The following DCHS2 variants were observed in gnomAD, a reference collection of about 807,000 sequenced individuals.
DCHS2 encodes the protein dachsous cadherin-related 2, also known as protocadherin-23.
A neutral mutation model predicts 182.4 loss-of-function variants in DCHS2; 142 were observed. The observed-to-expected ratio is 0.78, with a 90% CI of 0.68 to 0.89. DCHS2 has a LOEUF of 0.89. Ranked by LOEUF, DCHS2 falls within the 40% of genes least tolerant of loss-of-function variation. The probability of loss-of-function intolerance (pLI) is 0.00; values close to 1 mark genes in which losing one functional copy is unlikely to be tolerated. For synonymous variants in DCHS2, 1,740 were observed against 1,663.3 expected (o/e 1.05, Z -1.12); for missense variants, 4,319 against 4,198.6 (o/e 1.03, Z -0.79).
At chr4:154,358,457 A>T (rs997834487) in intron 3 of DCHS2, among the ~76,000 whole-genome samples, 4 of 152,210 alleles carry the variant, frequency 2.6e-5, no homozygotes, top group Non-Finnish European at 5.9e-5. Flanking sequence ...TTCATGAGAC[A>T]GTGACTCTGT....
At chr4:154,360,671 A>G (rs1039256232) in intron 3 of DCHS2, among the ~76,000 whole-genome samples, 3 of 152,170 alleles carry the variant, frequency 2.0e-5, no homozygotes, top group Admixed American at 1.3e-4. Context: ...TGAGCATAAA[A>G]CTAACATTGG....
chr4:154,480,906 A>G (rs1973339), intron 1 of DCHS2, among the ~76,000 whole-genome samples: 139,520 of 152,240 alleles, frequency 0.92, 65,189 homozygotes, highest in East Asian at 1. Flanking sequence ...GAGATTACAG[A>G]CATGAGCCAC....
intron 12 of DCHS2, among the ~76,000 whole-genome samples, chr4:154,299,918 C>T (rs917452068): frequency 1.3e-5 from 2 of 152,030 alleles, no homozygotes; most frequent in African/African-American, 4.8e-5. Context: ...ATAGATAGTG[C>T]TAGCCAAGGG....
At chr4:154,467,842 T>A (rs1735301402) in intron 1 of DCHS2, among the ~76,000 whole-genome samples, 1 of 152,210 alleles carries the variant, frequency 6.6e-6, no homozygotes, top group Admixed American at 6.5e-5. Context: ...TATAAATGTT[T>A]GCAGAATGAT....
chr4:154,429,780 G>A (rs1733482983), intron 1 of DCHS2, among the ~76,000 whole-genome samples: 1 of 151,426 alleles, frequency 6.6e-6, no homozygotes, highest in Non-Finnish European at 1.5e-5. Flanking sequence ...TGTCTCCTGT[G>A]TATAACAAGC....
chr4:154,446,137 T>C (rs1388521119), intron 1 of DCHS2, among the ~76,000 whole-genome samples: 9 of 152,228 alleles, frequency 5.9e-5, no homozygotes, highest in Admixed American at 5.9e-4. Context: ...CGTCAGCTCT[T>C]AATAAATCAA....
chr4:154,280,044 AT>A (rs200265554), intron 13 of DCHS2, among the ~76,000 whole-genome samples: 1,799 of 152,190 alleles, frequency 0.012, 22 homozygotes, highest in African/African-American at 0.039. Flanking sequence ...AAGAGGAGAC[AT>A]TAAAACCAAT....
chr4:154,244,854 A>G (rs2111116451), intron 16 of DCHS2, among the ~76,000 whole-genome samples: 2 of 152,278 alleles, frequency 1.3e-5, no homozygotes, highest in Middle Eastern at 6.8e-3. Flanking sequence ...AGTCAGATAC[A>G]TATGGAAATA....
intron 14 of DCHS2, among the ~76,000 whole-genome samples, chr4:154,268,811 C>A (rs1273624061): frequency 6.6e-6 from 1 of 152,108 alleles, no homozygotes; most frequent in African/African-American, 2.4e-5. Flanking sequence ...TGAATGACCT[C>A]TTTGGACTAA....
intron 1 of DCHS2, among the ~76,000 whole-genome samples, chr4:154,456,162 T>A (rs1734758638): frequency 6.6e-6 from 1 of 152,098 alleles, no homozygotes; most frequent in Admixed American, 6.6e-5. Context: ...AGTATATAGG[T>A]TTTCTGTTTT....
rs903409099 is a variant in DCHS2 at position 154,255,764 on chromosome 4, C to A, written c.6790-94G>T. The stretch of plus-strand genomic sequence containing the variant: ...GACATGCATTAAGAAAGAATCACAG[C>A]TTGTCAAACATATTTTAAAAACAAC... On this transcript the variant is annotated intron_variant, in intron 15 of 19. Transcript: ENST00000357232. 8.5e-6 allele frequency: 12 copies of A among 1,419,114 alleles called. No homozygotes were observed. In the African/African-American group the frequency reaches 1.6e-4, roughly 19 times the overall value. 87.9% of individuals were successfully genotyped at this position (1,419,114 alleles called of 1,614,324 possible).
At chr4:154,465,283 T>A (rs1469243973) in intron 1 of DCHS2, among the ~76,000 whole-genome samples, 1 of 152,132 alleles carries the variant, frequency 6.6e-6, no homozygotes, top group African/African-American at 2.4e-5. Flanking sequence ...TTCCTCACTG[T>A]GTGGGTTCAC....
intron 15 of DCHS2, among the ~76,000 whole-genome samples, chr4:154,255,958 T>C (rs1268228063): frequency 6.6e-6 from 1 of 152,134 alleles, no homozygotes; most frequent in African/African-American, 2.4e-5. Flanking sequence ...TTTAAAAACA[T>C]CTAAGTTGCT....
At chr4:154,323,965 C>G (rs762893503) in intron 7 of DCHS2, among the ~76,000 whole-genome samples, 12 of 151,934 alleles carry the variant, frequency 7.9e-5, no homozygotes, top group Non-Finnish European at 1.6e-4. Flanking sequence ...TTTATCATCC[C>G]TTTTTCATGT....
At chr4:154,394,792 T>A (rs938079282) in intron 1 of DCHS2, among the ~76,000 whole-genome samples, 1 of 152,184 alleles carries the variant, frequency 6.6e-6, no homozygotes, top group Non-Finnish European at 1.5e-5. Context: ...GGCATCCATA[T>A]TTTAGAGCAA....
intron 1 of DCHS2, among the ~76,000 whole-genome samples, chr4:154,477,675 C>T (rs1467504240): frequency 6.6e-6 from 1 of 152,206 alleles, no homozygotes; most frequent in African/African-American, 2.4e-5. Flanking sequence ...GAACGTTGTA[C>T]TCAGTGAGAG....
At chr4:154,305,293 C>G (rs1051200083) in intron 10 of DCHS2, 62 bp from the exon 11 acceptor site, 29 of 1,537,884 alleles carry the variant, frequency 1.9e-5, no homozygotes, top group Non-Finnish European at 2.4e-5. Context: ...TATCCACTTT[C>G]CTATTTCTTT....
intron 17 of DCHS2, 99 bp from the exon 18 acceptor site, chr4:154,240,922 T>C: frequency 1.4e-6 from 2 of 1,473,966 alleles, no homozygotes; most frequent in Non-Finnish European, 1.8e-6. Context: ...CTAAGTCCAA[T>C]ATGATTTGCT....
In DCHS2 at chr4:154,491,556, A is replaced by G. The variant is rs1728838535; in HGVS notation, c.-201T>C. The G allele has an allele frequency of 7.3e-7, 1 of 1,377,790 alleles. No homozygotes were observed. Among genetic ancestry groups the G allele is most frequent in the Non-Finnish European group, 9.3e-7 (1 of 1,072,620 alleles). The allele number at this position is 1,377,790 out of a possible 1,614,324, so 85.3% of individuals were successfully genotyped here. ...CTGCCTGCAGCTCACGCAGACAGGG[A>G]AGTAAGCTCTAGCTGCCTCTGCCGC... On this transcript the variant is annotated 5_prime_UTR_variant, in exon 1 of 20. Transcript: ENST00000357232.
Sources: gnomAD v4.1 joint callset for allele counts (sites outside exome capture counted in the v4.1 genomes callset) on GRCh38, gnomAD v4.1.1 for gene constraint, MANE v1.5 for transcripts, NCBI Gene and HGNC (gene_info 2026-07-23, HGNC 2026-07-21) for gene names.